The following DIXDC1 variants were observed in gnomAD, a reference collection of about 807,000 sequenced individuals.
The protein encoded by DIXDC1 is DIX domain containing 1, also known as dixin.
DIXDC1 carries 64 observed loss-of-function variants against 103.1 expected under a neutral mutation model. The ratio of observed to expected loss-of-function variants is 0.62; its 90% CI spans 0.51 to 0.76. The LOEUF (loss-of-function observed/expected upper bound fraction) is 0.76, where lower values mean the gene tolerates loss of function less well. DIXDC1 is among the 30% of genes least tolerant of loss of function. DIXDC1 has a pLI of 0.00. For missense variants in DIXDC1, 759 were observed against 834.2 expected (o/e 0.91, Z 1.11); for synonymous variants, 266 against 298.5 (o/e 0.89, Z 1.12).
intron 1 of DIXDC1, among the ~76,000 whole-genome samples, chr11:111,952,702 C>G (rs1266082895): frequency 2.6e-5 from 4 of 152,074 alleles, no homozygotes; most frequent in African/African-American, 9.6e-5. Flanking sequence ...TGCCTGTAAT[C>G]CCAGCTACTT....
chr11:111,964,429 C>G, intron 1 of DIXDC1, 120 bp from the exon 2 acceptor site: 1 of 1,160,600 alleles, frequency 8.6e-7, no homozygotes, highest in South Asian at 1.5e-5. Context: ...AAAAATTTCT[C>G]CTGCTTCTGG....
intron 1 of DIXDC1, among the ~76,000 whole-genome samples, chr11:111,940,713 C>G (rs587618672): frequency 1.1e-4 from 17 of 152,222 alleles, no homozygotes; most frequent in African/African-American, 3.9e-4. Flanking sequence ...ACATTCAGTT[C>G]CTGCTTCCAA....
rs782292358 is a variant in DIXDC1 at position 111,968,656 on chromosome 11, T to A, written c.316+18T>A. On this transcript the variant is annotated intron_variant, in intron 3 of 19. Transcript: ENST00000440460. ...GGCTAAAGGTCAGTGCCTCATCACATCCTTGGTGCATGAGTATACTTTAAC... is the reference window on the plus strand; with the variant it reads ...GGCTAAAGGTCAGTGCCTCATCACAACCTTGGTGCATGAGTATACTTTAAC... 9.4e-6 allele frequency: 15 copies of A among 1,600,644 alleles called. 1 individual carries two copies. Among genetic ancestry groups the A allele is most frequent in the Admixed American group, 3.5e-5 (2 of 57,886 alleles).
rs1239114839 is a variant in DIXDC1 at position 111,943,500 on chromosome 11, T to G, written c.60+5941T>G. ...TTTTCTTTCTCTCTTTTTTTTTTTT[T>G]TTTTTTTTTTGTTTTTTGAGACGGA... On this transcript the variant is annotated intron_variant, in intron 1 of 19. Transcript: ENST00000440460. Among the ~76,000 whole-genome samples the G allele has an allele frequency of 2.1e-4, 31 of 145,816 alleles. No individual in the cohort carries two copies. In the East Asian group the frequency reaches 6.1e-3, roughly 29 times the overall value.
intron 17 of DIXDC1, chr11:112,015,417 A>T (rs942261130): frequency 1.3e-5 from 2 of 152,214 alleles, no homozygotes; most frequent in Non-Finnish European, 1.5e-5. Flanking sequence ...CAGTTTAATT[A>T]TTAATTTTTG....
upstream of DIXDC1, among the ~76,000 whole-genome samples, chr11:111,932,846 C>T (rs1318011537): frequency 6.6e-6 from 1 of 151,604 alleles, no homozygotes; most frequent in African/African-American, 2.4e-5. Context: ...TGTTTCTTGC[C>T]CCATGTGTTA....
Position 111,986,908 on chromosome 11 carries a change from A to T in DIXDC1, c.1046A>T (p.Glu349Val). The change falls in exon 9 of 20, where the codon GAG (glutamate) becomes GTG (valine). Residue 349 changes from glutamate to valine, a missense_variant. Coordinates refer to ENST00000440460, the MANE Select transcript of DIXDC1 (RefSeq NM_001037954.4). The stretch of plus-strand genomic sequence containing the variant: ...AGTCGTCTGGATCAGAGTATGGAGG[A>T]GAATCAGGACTTAAAGGTATGTCAA... Reference protein sequence around the residue: ...IQSRLDQSMEENQDLKKELLK... With the variant: ...IQSRLDQSMEVNQDLKKELLK... 6.3e-7 allele frequency: 1 copy of T among 1,577,798 alleles called. No individual in the cohort carries two copies. The highest frequency in any genetic ancestry group is 1.2e-5 in the South Asian group (1 of 86,122).
At chr11:112,002,743 G>T (rs887390460) in intron 17 of DIXDC1, among the ~76,000 whole-genome samples, 1 of 152,180 alleles carries the variant, frequency 6.6e-6, no homozygotes, top group African/African-American at 2.4e-5. Flanking sequence ...AGCTGTGATT[G>T]TGCCACTGCA....
chr11:111,983,239 A>C (rs1263354460), intron 7 of DIXDC1, among the ~76,000 whole-genome samples: 1 of 152,214 alleles, frequency 6.6e-6, no homozygotes, highest in Non-Finnish European at 1.5e-5. Flanking sequence ...ATTTATGGAC[A>C]CGTAAACAAA....
chr11:111,960,982 C>T (rs587749883), intron 1 of DIXDC1, among the ~76,000 whole-genome samples: 2 of 152,316 alleles, frequency 1.3e-5, no homozygotes, highest in South Asian at 4.1e-4. Context: ...TTATGAAAAA[C>T]TTCCCTTGTG....
In DIXDC1 at chr11:111,976,694, C is replaced by G. The variant is rs1860108686; in HGVS notation, c.656+1711C>G. On this transcript the variant is annotated intron_variant, in intron 5 of 19. Coordinates refer to ENST00000440460, the MANE Select transcript of DIXDC1 (RefSeq NM_001037954.4). The surrounding 1 kb of genome is among the most constrained non-coding windows in gnomAD (Gnocchi z 4.3). ...TGTGGCTTGCTCAGGACGGGAGTGG[C>G]TCAGAAGGAAGGATAGCCCCTGGGT... is the stretch of plus-strand genomic sequence containing the variant. Among the ~76,000 whole-genome samples the G allele has an allele frequency of 6.6e-6, 1 of 152,084 alleles. No homozygotes were observed. Among genetic ancestry groups the G allele is most frequent in the African/African-American group, 2.4e-5 (1 of 41,406 alleles).
rs80190633 is a variant in DIXDC1 at position 111,993,665 on chromosome 11, G to T, written c.1366-4G>T. 5.6e-6 allele frequency: 9 copies of T among 1,613,894 alleles called. No homozygotes were observed. The Admixed American group carries it at 1.5e-4, about 27-fold the overall frequency. On this transcript the variant is annotated splice_polypyrimidine_tract_variant and splice_region_variant and intron_variant, in intron 13 of 19. Transcript: ENST00000440460. ...CATTTTCTGATTTAGTGTCTATTTT[G>T]CAGGTGGATCTAGAGCGAGAGCTAG...
chr11:111,932,502 C>T (rs1555167760), upstream of DIXDC1, among the ~76,000 whole-genome samples: 2 of 150,798 alleles, frequency 1.3e-5, no homozygotes, highest in Non-Finnish European at 2.9e-5. Flanking sequence ...AGGAGAATGG[C>T]GTGAACCTGG....
chr11:111,982,271 T>A (rs1308264733), intron 6 of DIXDC1, 68 bp from the exon 7 acceptor site: 3 of 1,552,518 alleles, frequency 1.9e-6, no homozygotes, highest in African/African-American at 2.7e-5. Flanking sequence ...AACGCTACCC[T>A]GTGAACGCTG....
chr11:111,992,053 G>A (rs1860727386), intron 10 of DIXDC1, among the ~76,000 whole-genome samples: 1 of 152,196 alleles, frequency 6.6e-6, no homozygotes, highest in Admixed American at 6.5e-5. Flanking sequence ...CATCACAAAA[G>A]TAGTAAGTGG....
At chr11:111,944,526 G>A (rs1361327818) in intron 1 of DIXDC1, among the ~76,000 whole-genome samples, 1 of 152,204 alleles carries the variant, frequency 6.6e-6, no homozygotes, top group African/African-American at 2.4e-5. Context: ...ACAGGAAGAA[G>A]GTTACATTTG....
intron 1 of DIXDC1, among the ~76,000 whole-genome samples, chr11:111,945,443 A>G (rs1966560920): frequency 6.6e-6 from 1 of 152,074 alleles, no homozygotes; most frequent in Admixed American, 6.6e-5. Context: ...AGGACCCACC[A>G]CTGTGTGCAC....
chr11:111,943,002 C>T (rs587602543), intron 1 of DIXDC1, among the ~76,000 whole-genome samples: 4 of 152,268 alleles, frequency 2.6e-5, no homozygotes, highest in South Asian at 2.1e-4. Flanking sequence ...AAGAAGATGA[C>T]GGGTAGCACA....
Position 111,995,583 on chromosome 11 carries a change from T to A in DIXDC1, c.1689+19T>A. 6.2e-7 allele frequency: 1 copy of A among 1,613,254 alleles called. No individual in the cohort carries two copies. Among genetic ancestry groups the A allele is most frequent in the Non-Finnish European group, 8.5e-7 (1 of 1,179,788 alleles). On this transcript the variant is annotated intron_variant, in intron 16 of 19. Transcript: ENST00000440460. ...AAGAAAGGTAACCCTCTTGCTGTGG[T>A]ATCTCTCTTAGGCAAGCTCCTGAGA...
Sources: allele counts gnomAD v4.1 joint callset (sites outside exome capture counted in the v4.1 genomes callset), GRCh38; gene constraint gnomAD v4.1.1; non-coding constraint Gnocchi (gnomAD v3.1); transcripts MANE v1.5; gene names NCBI Gene and HGNC (gene_info 2026-07-23, HGNC 2026-07-21).